ZNF77: variants seen among roughly 807,000 people sequenced by gnomAD.
The protein encoded by ZNF77 is zinc finger protein 77, also known as ZNFpT1.
A neutral mutation model predicts 13.5 loss-of-function variants in ZNF77; 15 were observed. The observed-to-expected ratio is 1.11, with a 90% CI of 0.74 to 1.71. ZNF77 has a LOEUF of 1.71. Among genes scored for constraint, ZNF77 ranks in the 40% most tolerant of loss-of-function variants. ZNF77 has a pLI of 0.00. For missense variants in ZNF77, 717 were observed against 676.4 expected (o/e 1.06, Z -0.67); for synonymous variants, 282 against 250.0 (o/e 1.13, Z -1.21).
At chr19:2,940,609 G>A (rs1048479285) in intron 1 of ZNF77, among the ~76,000 whole-genome samples, 6 of 151,210 alleles carry the variant, frequency 4.0e-5, no homozygotes, top group African/African-American at 1.5e-4. Flanking sequence ...GGAGGCAGAG[G>A]TTGCAGTGAG....
intron 3 of ZNF77, 142 bp downstream of exon 3, chr19:2,936,382 C>A: frequency 1.2e-6 from 1 of 809,744 alleles, no homozygotes. Context: ...CTACTAACCT[C>A]AGGTGATCCA....
In ZNF77 at chr19:2,934,058, A is replaced by G. The variant is rs370214322; in HGVS notation, c.1069T>C (p.Cys357Arg). The G allele has an allele frequency of 5.5e-5, 89 of 1,613,958 alleles. No homozygotes were observed. Among genetic ancestry groups the G allele is most frequent in the Non-Finnish European group, 4.8e-5 (57 of 1,180,022 alleles). ...GAGGGGTACCTGAAGGCTTTGCCGC[A>G]TTCCTTACATTCATAGGGTTTCTCT... Reference protein sequence around the residue: ...SGEKPYECKECGKAFRYPSSL... With the variant: ...SGEKPYECKERGKAFRYPSSL... Residue 357 changes from cysteine to arginine, a missense_variant, in exon 4 of 4, where the codon TGC becomes CGC. Cys to Arg is a radical substitution (Grantham distance 180). Coordinates refer to ENST00000314531, the MANE Select transcript of ZNF77 (RefSeq NM_021217.3).
At chr19:2,940,424 T>C (rs768352737) in intron 1 of ZNF77, among the ~76,000 whole-genome samples, 8 of 151,646 alleles carry the variant, frequency 5.3e-5, no homozygotes, top group East Asian at 1.9e-4. Flanking sequence ...CCTATAATCC[T>C]AGCATTTTGG....
chr19:2,936,822 A>C, intron 2 of ZNF77, 118 bp from the exon 3 acceptor site: 1 of 934,336 alleles, frequency 1.1e-6, no homozygotes, highest in Non-Finnish European at 1.6e-6. Flanking sequence ...AAGGAAGAAT[A>C]GACATGCTAT....
chr19:2,935,931 G>A (rs973464868), intron 3 of ZNF77, among the ~76,000 whole-genome samples: 1 of 151,926 alleles, frequency 6.6e-6, no homozygotes, highest in African/African-American at 2.4e-5. Flanking sequence ...TGGGAGGATT[G>A]CTTGAGCCCA....
intron 2 of ZNF77, among the ~76,000 whole-genome samples, chr19:2,937,439 C>G (rs925448400): frequency 6.6e-6 from 1 of 151,240 alleles, no homozygotes; most frequent in Non-Finnish European, 1.5e-5. Context: ...GAGCCAAGAT[C>G]GCACCATTGC....
rs1415541348 is a variant in ZNF77 at position 2,933,308 on chromosome 19, G to C, written c.*181C>G. The C allele has an allele frequency of 1.7e-6, 1 of 581,026 alleles. No homozygotes were observed. Among genetic ancestry groups the C allele is most frequent in the African/African-American group, 1.9e-5 (1 of 53,896 alleles). The allele number at this position is 581,026 out of a possible 1,614,324, so 36.0% of individuals were successfully genotyped here. The stretch of plus-strand genomic sequence containing the variant: ...CAAAAGGAATCACTATTAAGGCTGA[G>C]GCATGTAAAGGCAATACCATATTAA... On this transcript the variant is annotated 3_prime_UTR_variant, in exon 4 of 4. Transcript: ENST00000314531.
intron 2 of ZNF77, among the ~76,000 whole-genome samples, chr19:2,937,901 C>A (rs984412584): frequency 1.3e-5 from 2 of 152,104 alleles, no homozygotes; most frequent in Admixed American, 6.6e-5. Context: ...GGATTACAGG[C>A]ACCTGCCACC....
chr19:2,937,881 C>T (rs953077549), intron 2 of ZNF77, among the ~76,000 whole-genome samples: 3 of 152,064 alleles, frequency 2.0e-5, no homozygotes, highest in African/African-American at 7.2e-5. Context: ...CTCAGCCTCC[C>T]GAGTAGCTGG....
In ZNF77 at chr19:2,936,585, C is replaced by T; in HGVS notation, c.250G>A (p.Gly84Arg). ...FTGSDSWSIF[G>R]ENWRFDNTGD... is the part of the protein sequence containing the mutation. Reference sequence around the variant, plus strand: ...GTGTTATCAAATCTCCAATTTTCTCCAAAAATAGACCAGGAATCACTTCCT... The same window carrying T: ...GTGTTATCAAATCTCCAATTTTCTCTAAAAATAGACCAGGAATCACTTCCT... Residue 84 changes from glycine (G) to arginine (R), a missense_variant, in exon 3 of 4, where the codon GGA becomes AGA. Transcript: ENST00000314531. 6.2e-7 allele frequency: 1 copy of T among 1,610,844 alleles called. No homozygotes were observed. The highest frequency in any genetic ancestry group is 8.5e-7 in the Non-Finnish European group (1 of 1,179,166).
Position 2,939,362 on chromosome 19 carries a change from C to T in ZNF77, c.49G>A (p.Glu17Lys). ...EEVAVNFTPE[E>K]WALLDHAQRS... ...TGAGCATGATCCAGCAATGCCCACT[C>T]TTCTGGGGTGAAGTTCACAGCCACT... Residue 17 changes from glutamate to lysine, a missense_variant, in exon 2 of 4, where the codon GAG (glutamate) becomes AAG (lysine). Glu to Lys is a moderately conservative substitution (Grantham distance 56). Coordinates refer to ENST00000314531, the MANE Select transcript of ZNF77 (RefSeq NM_021217.3). 6.2e-7 allele frequency: 1 copy of T among 1,614,214 alleles called. No homozygotes were observed. The highest frequency in any genetic ancestry group is 8.5e-7 in the Non-Finnish European group (1 of 1,180,020).
In ZNF77 at chr19:2,944,900, G is replaced by A; in HGVS notation, c.-60C>T. 6.6e-7 allele frequency: 1 copy of A among 1,514,396 alleles called. No homozygotes were observed. Among genetic ancestry groups the A allele is most frequent in the Admixed American group, 2.1e-5 (1 of 48,162 alleles). The allele number at this position is 1,514,396 out of a possible 1,614,324, so 93.8% of individuals were successfully genotyped here. On this transcript the variant is annotated 5_prime_UTR_variant, in exon 1 of 4. Transcript: ENST00000314531. ...CCCCGCGGTCCAGCGACCGGCGCAG[G>A]TGAGCACGACAGGACACCTGAGCCG...
In ZNF77 at chr19:2,933,474, A is replaced by G. The variant is rs1489093538; in HGVS notation, c.*15T>C. ...TACGGTTGAACACTCTCCCAGGTCC[A>G]CTGTATTCGTAGATTCACGCTCCAG... On this transcript the variant is annotated 3_prime_UTR_variant, in exon 4 of 4. Transcript: ENST00000314531. 1 of 1,534,818 alleles carries G rather than the reference A, an allele frequency of 6.5e-7. No individual in the cohort carries two copies. Among genetic ancestry groups the G allele is most frequent in the Non-Finnish European group, 8.8e-7 (1 of 1,139,418 alleles).
chr19:2,944,782 G>A, intron 1 of ZNF77, 56 bp downstream of exon 1: 2 of 1,489,392 alleles, frequency 1.3e-6, no homozygotes, highest in South Asian at 1.3e-5. Context: ...GCGGAAGCCG[G>A]TTCCTGCCGC....
At position 2,934,400 on chromosome 19, in the gene ZNF77, T is replaced by C; in HGVS notation, c.727A>G (p.Lys243Glu). Residue 243 changes from lysine (K) to glutamate (E), a missense_variant, in exon 4 of 4, where the codon AAA becomes GAA. Lys to Glu is a moderately conservative substitution (Grantham distance 56). Coordinates refer to ENST00000314531, the MANE Select transcript of ZNF77 (RefSeq NM_021217.3). ...TACATAAAGGTCTTCCCACATACTT[T>C]ACATGCATGGGTTTTCTGCCCATGA... is the stretch of plus-strand genomic sequence containing the variant. Reference protein sequence around the residue: ...SHHGQKTHACKVCGKTFMYYS... With the variant: ...SHHGQKTHACEVCGKTFMYYS... 1 of 1,614,218 alleles carries C rather than the reference T, an allele frequency of 6.2e-7. No homozygotes were observed. Among genetic ancestry groups the C allele is most frequent in the Non-Finnish European group, 8.5e-7 (1 of 1,180,038 alleles).
intron 2 of ZNF77, among the ~76,000 whole-genome samples, chr19:2,938,268 C>T (rs1245841459): frequency 6.6e-6 from 1 of 152,162 alleles, no homozygotes; most frequent in African/African-American, 2.4e-5. Context: ...ACAAATGTTC[C>T]CCTGAGACAG....
chr19:2,934,943 G>A, intron 3 of ZNF77, 128 bp from the exon 4 acceptor site: 2 of 1,228,610 alleles, frequency 1.6e-6, no homozygotes, highest in East Asian at 5.0e-5. Context: ...TTTCAGCACT[G>A]TCTGCCTGGT....
At position 2,939,988 on chromosome 19, in the gene ZNF77, A is replaced by G. The variant is rs2088435412; in HGVS notation, c.4-581T>C. Among the ~76,000 whole-genome samples the G allele has an allele frequency of 2.0e-5, 3 of 152,092 alleles. No homozygotes were observed. The South Asian group carries it at 6.2e-4, about 32-fold the overall frequency. On this transcript the variant is annotated intron_variant, in intron 1 of 3. Transcript: ENST00000314531. ...GAGTGAGACCCAATCTCAAAAAAAT[A>G]AAATAAATCAATCATTCAGGTAACA... is the stretch of plus-strand genomic sequence containing the variant.
intron 2 of ZNF77, among the ~76,000 whole-genome samples, chr19:2,938,121 G>T (rs1326691465): frequency 6.6e-6 from 1 of 152,060 alleles, no homozygotes. Context: ...CACTCCTCCC[G>T]AGGGCTGCTG....
Sources: gnomAD v4.1 joint callset for allele counts (sites outside exome capture counted in the v4.1 genomes callset) on GRCh38, gnomAD v4.1.1 for gene constraint, MANE v1.5 for transcripts, NCBI Gene and HGNC (gene_info 2026-07-23, HGNC 2026-07-21) for gene names.